The following C1QTNF9 variants were observed in gnomAD, a reference collection of about 807,000 sequenced individuals.
C1QTNF9 encodes the protein C1q and TNF related 9, also known as complement C1q and tumor necrosis factor-related protein 9A.
Under a neutral mutation model 10.1 loss-of-function variants are expected in C1QTNF9, and 6 were observed. The ratio of observed to expected loss-of-function variants is 0.59; its 90% CI spans 0.32 to 1.17. The LOEUF is 1.17. Ranked by LOEUF, C1QTNF9 falls within the 50% of genes most tolerant of loss-of-function variation. The pLI, the probability that C1QTNF9 is intolerant of heterozygous loss-of-function variation, is 0.04. For synonymous variants in C1QTNF9, 98 were observed against 163.5 expected (o/e 0.60, Z 3.06); for missense variants, 201 against 418.8 (o/e 0.48, Z 4.54).
exon 4 of C1QTNF9, chr13:24,321,667 G>A (rs4589405): frequency 0.068 from 109,788 of 1,609,456 alleles, 3,389 homozygotes; most frequent in African/African-American, 0.14. Flanking sequence ...CGGGGATGAG[G>A]TGTGGCTGCA....
At chr13:24,307,719 A>G (rs1479693717), upstream of C1QTNF9, among the ~76,000 whole-genome samples, 3 of 152,222 alleles carry the variant, frequency 2.0e-5, no homozygotes, top group Admixed American at 2.0e-4. Flanking sequence ...TAGTGGCTCC[A>G]TGTATAGGAC....
chr13:24,315,891 C>T lies in C1QTNF9; in HGVS notation c.-22-91C>T. On this transcript the variant is annotated intron_variant, in intron 1 of 3. Transcript: ENST00000332018. ...GGTGTGGGTCTGGGGCAGGGGACAGCTCATCCATTTCCCACTGCACGGAAC... is the reference window on the plus strand; with the variant it reads ...GGTGTGGGTCTGGGGCAGGGGACAGTTCATCCATTTCCCACTGCACGGAAC... 6.5e-6 allele frequency: 9 copies of T among 1,394,198 alleles called. No individual in the cohort carries two copies. The South Asian group carries it at 1.2e-4, about 18-fold the overall frequency. The allele number at this position is 1,394,198 out of a possible 1,614,324, so 86.4% of individuals were successfully genotyped here.
At chr13:24,308,299 C>T (rs1384294637), upstream of C1QTNF9, among the ~76,000 whole-genome samples, 3 of 152,198 alleles carry the variant, frequency 2.0e-5, no homozygotes, top group Non-Finnish European at 4.4e-5. Flanking sequence ...GGGGACCCGT[C>T]GCGCGTTCCG....
intron 1 of C1QTNF9, among the ~76,000 whole-genome samples, chr13:24,314,443 G>A (rs1416088014): frequency 2.0e-5 from 3 of 152,116 alleles, no homozygotes; most frequent in Non-Finnish European, 4.4e-5. Flanking sequence ...AGCACTTTGG[G>A]AGGCCAAGAC....
At chr13:24,315,884 G>A in intron 1 of C1QTNF9, 98 bp from the exon 2 acceptor site, 1 of 1,322,110 alleles carries the variant, frequency 7.6e-7, no homozygotes, top group East Asian at 2.3e-5. Context: ...TCTGGGGCAG[G>A]GGACAGCTCA....
chr13:24,310,887 G>T (rs1384208958), intron 1 of C1QTNF9, among the ~76,000 whole-genome samples: 10 of 147,936 alleles, frequency 6.8e-5, no homozygotes. Context: ...ACTCCAGCCT[G>T]GGCAACAGAG....
intron 1 of C1QTNF9, 53 bp from the exon 2 acceptor site, chr13:24,315,929 C>T: frequency 6.3e-7 from 1 of 1,596,106 alleles, no homozygotes; most frequent in South Asian, 1.1e-5. Flanking sequence ...AGGCTGTGTC[C>T]AGGGCCCCAG....
In C1QTNF9 at chr13:24,318,888, G is replaced by T. The variant is rs369453137; in HGVS notation, c.229+8G>T. The T allele has an allele frequency of 5.0e-6, 8 of 1,614,090 alleles. No homozygotes were observed. The highest frequency in any genetic ancestry group is 1.1e-5 in the South Asian group (1 of 91,084). ...GAGAGAAGGGAGAACGAGGTTAGTAGTTCCTATTTATGGTGCTCTAATTCT... is the reference window on the plus strand; with the variant it reads ...GAGAGAAGGGAGAACGAGGTTAGTATTTCCTATTTATGGTGCTCTAATTCT... On this transcript the variant is annotated splice_region_variant and intron_variant, in intron 3 of 3. Transcript: ENST00000332018.
chr13:24,313,578 T>G (rs1476928793), intron 1 of C1QTNF9, among the ~76,000 whole-genome samples: 7 of 152,220 alleles, frequency 4.6e-5, no homozygotes, highest in Non-Finnish European at 8.8e-5. Flanking sequence ...ATGGAGCGAA[T>G]TTGTGACTTC....
At chr13:24,307,199 A>T (rs1391515418), upstream of C1QTNF9, 1 of 152,202 alleles carries the variant, frequency 6.6e-6, no homozygotes, top group Non-Finnish European at 1.5e-5. Flanking sequence ...GCAACAACTC[A>T]TCCATTCAGG....
At chr13:24,309,299 ATATATAT>A (rs1288971464), upstream of C1QTNF9, among the ~76,000 whole-genome samples, 1 of 65,542 alleles carries the variant, frequency 1.5e-5, no homozygotes, top group African/African-American at 3.6e-5. Flanking sequence ...ATATATATAT[ATATATAT>A]ATGAAAGAAA....
At chr13:24,311,969 G>C (rs1291135067) in intron 1 of C1QTNF9, among the ~76,000 whole-genome samples, 2 of 152,160 alleles carry the variant, frequency 1.3e-5, no homozygotes, top group Non-Finnish European at 2.9e-5. Context: ...CCCATGGCCC[G>C]TAATCTAGCT....
At chr13:24,308,754 C>A (rs1449988093), upstream of C1QTNF9, among the ~76,000 whole-genome samples, 1 of 152,154 alleles carries the variant, frequency 6.6e-6, no homozygotes, top group Non-Finnish European at 1.5e-5. Flanking sequence ...TTTGCGTGGC[C>A]TCCTGCTCTG....
At position 24,321,583 on chromosome 13, in the gene C1QTNF9, A is replaced by C. The variant is rs374002839; in HGVS notation, c.817A>C (p.Ile273Leu). Residue 273 changes from isoleucine to leucine, a missense_variant, in exon 4 of 4, where the codon ATA (isoleucine) becomes CTA (leucine). Ile to Leu is a conservative substitution (Grantham distance 5). Coordinates refer to ENST00000332018, the Ensembl canonical transcript of C1QTNF9. ...GTCTTTGGTCAAAAATGGAGTAAAA[A>C]TACTGCACACCAAAGATGCTTACAT... 2.5e-6 allele frequency: 4 copies of C among 1,614,080 alleles called. No homozygotes were observed. The South Asian group carries it at 3.3e-5, about 13-fold the overall frequency.
At chr13:24,308,646 C>T (rs1214394419), upstream of C1QTNF9, among the ~76,000 whole-genome samples, 1 of 151,044 alleles carries the variant, frequency 6.6e-6, no homozygotes, top group Non-Finnish European at 1.5e-5. Context: ...CGGCCTCTGC[C>T]CCTGCTCTGT....
At chr13:24,313,847 A>C (rs1394510967) in intron 1 of C1QTNF9, among the ~76,000 whole-genome samples, 1 of 152,234 alleles carries the variant, frequency 6.6e-6, no homozygotes, top group Non-Finnish European at 1.5e-5. Flanking sequence ...ATATTCATAC[A>C]GTCGTAAGTA....
chr13:24,309,308 T>TATATATATATATATATATATATATATAA (rs1480664232), upstream of C1QTNF9, among the ~76,000 whole-genome samples: 1 of 141,558 alleles, frequency 7.1e-6, no homozygotes, highest in Non-Finnish European at 1.5e-5. Context: ...TATATATATA[T>TATATATATATATATATATATATATATAA]GAAAGAAACC....
chr13:24,311,230 A>G (rs1239763718), intron 1 of C1QTNF9, among the ~76,000 whole-genome samples: 1 of 152,258 alleles, frequency 6.6e-6, no homozygotes, highest in Non-Finnish European at 1.5e-5. Context: ...GAGAAAATTA[A>G]TCAGGAAGAG....
At chr13:24,318,671 C>T (rs1878135092) in intron 2 of C1QTNF9, 147 bp from the exon 3 acceptor site, 2 of 921,598 alleles carry the variant, frequency 2.2e-6, no homozygotes, top group Non-Finnish European at 3.5e-6. Flanking sequence ...CTGCCTCTCT[C>T]CACCTGCGCT....
Sources: allele counts gnomAD v4.1 joint callset (sites outside exome capture counted in the v4.1 genomes callset), GRCh38; gene constraint gnomAD v4.1.1; transcripts MANE v1.5; gene names NCBI Gene and HGNC (gene_info 2026-07-23, HGNC 2026-07-21).